JMJD1C: variants seen among roughly 807,000 people sequenced by gnomAD.
The protein encoded by JMJD1C is jumonji domain containing 1C, also known as jumonji domain-containing protein 1C.
Under a neutral mutation model 245.3 loss-of-function variants are expected in JMJD1C, and 31 were observed. The observed-to-expected ratio is 0.13, with a 90% CI of 0.09 to 0.17. JMJD1C has a LOEUF of 0.17. JMJD1C is among the 10% of genes least tolerant of loss of function. JMJD1C has a pLI of 1.00. For synonymous variants in JMJD1C, 1,057 were observed against 1,017.4 expected (o/e 1.04, Z -0.74); for missense variants, 2,691 against 3,000.2 (o/e 0.90, Z 2.41).
At chr10:63,429,105 C>T (rs780321671) in intron 1 of JMJD1C, among the ~76,000 whole-genome samples, 4 of 152,084 alleles carry the variant, frequency 2.6e-5, no homozygotes, top group Non-Finnish European at 4.4e-5. Context: ...CTCGGCCTCC[C>T]GGGTAGCTGG....
At chr10:63,305,283 G>A (rs1367602053) in intron 2 of JMJD1C, among the ~76,000 whole-genome samples, 5 of 150,184 alleles carry the variant, frequency 3.3e-5, no homozygotes, top group East Asian at 2.0e-4. Context: ...CAGGAGAATC[G>A]CTTGAACCCG....
At chr10:63,202,855 T>C in intron 10 of JMJD1C, 2 of 978,680 alleles carry the variant, frequency 2.0e-6, no homozygotes, top group Non-Finnish European at 2.4e-6. Flanking sequence ...AAATTTTTAT[T>C]TGGAACACTT....
At chr10:63,392,989 A>G (rs900385938) in intron 1 of JMJD1C, among the ~76,000 whole-genome samples, 7 of 152,068 alleles carry the variant, frequency 4.6e-5, no homozygotes, top group African/African-American at 1.7e-4. Flanking sequence ...AAATGAGTCC[A>G]GGAGCAGCGG....
At chr10:63,178,856 T>A (rs891499738) in intron 22 of JMJD1C, among the ~76,000 whole-genome samples, 1 of 152,210 alleles carries the variant, frequency 6.6e-6, no homozygotes, top group Non-Finnish European at 1.5e-5. Flanking sequence ...GGTCCTTTTT[T>A]AAAAGGACCA....
At chr10:63,304,295 C>T (rs1007184406) in intron 2 of JMJD1C, among the ~76,000 whole-genome samples, 3 of 152,078 alleles carry the variant, frequency 2.0e-5, no homozygotes, top group Admixed American at 6.6e-5. Context: ...GATATCAGAA[C>T]GCGTTGGTAA....
chr10:63,377,523 A>G (rs1047390482), intron 2 of JMJD1C, among the ~76,000 whole-genome samples: 2 of 152,144 alleles, frequency 1.3e-5, no homozygotes, highest in Non-Finnish European at 2.9e-5. Context: ...TCACAAGGTC[A>G]TGAGTTCAAG....
intron 1 of JMJD1C, chr10:63,428,013 C>T: frequency 1.5e-6 from 1 of 648,602 alleles, no homozygotes; most frequent in Non-Finnish European, 2.8e-6. Context: ...GTGCTGTCCA[C>T]TGTACTTTAT....
chr10:63,179,791 A>T (rs902619050), intron 22 of JMJD1C, among the ~76,000 whole-genome samples: 1 of 151,962 alleles, frequency 6.6e-6, no homozygotes, highest in Non-Finnish European at 1.5e-5. Context: ...AAGAAAAAAA[A>T]AAAAAAATCA....
chr10:63,289,651 G>T (rs1858407065), intron 2 of JMJD1C, among the ~76,000 whole-genome samples: 1 of 152,194 alleles, frequency 6.6e-6, no homozygotes, highest in African/African-American at 2.4e-5. Context: ...AAAGCGCCAA[G>T]AAAATTTACA....
intron 15 of JMJD1C, 60 bp from the exon 16 acceptor site, chr10:63,193,211 T>G: frequency 6.6e-7 from 1 of 1,504,390 alleles, no homozygotes; most frequent in Non-Finnish European, 9.1e-7. Flanking sequence ...ATTAGTAGTA[T>G]AGATACAAAA....
At chr10:63,172,450 CG>C (rs1842461022) in intron 24 of JMJD1C, among the ~76,000 whole-genome samples, 1 of 152,080 alleles carries the variant, frequency 6.6e-6, no homozygotes. Context: ...TTACTGAGAA[CG>C]TATTTTCTGG....
intron 2 of JMJD1C, among the ~76,000 whole-genome samples, chr10:63,301,203 T>C (rs201296542): frequency 1.3e-5 from 2 of 152,116 alleles, no homozygotes; most frequent in East Asian, 1.9e-4. Context: ...TTTGCAGAGA[T>C]GGGGTTTTGC....
At chr10:63,215,516 A>T in intron 6 of JMJD1C, 37 bp downstream of exon 6, 1 of 1,607,908 alleles carries the variant, frequency 6.2e-7, no homozygotes, top group Non-Finnish European at 8.5e-7. Flanking sequence ...CTAAGGAAAA[A>T]TATTTTACAG....
chr10:63,377,270 T>C (rs541734361), intron 2 of JMJD1C, among the ~76,000 whole-genome samples: 2 of 152,322 alleles, frequency 1.3e-5, no homozygotes, highest in East Asian at 1.9e-4. Context: ...TGCTCTTTAA[T>C]GAGTACAGTT....
At chr10:63,256,372 T>C (rs553008771) in intron 3 of JMJD1C, among the ~76,000 whole-genome samples, 1 of 152,292 alleles carries the variant, frequency 6.6e-6, no homozygotes, top group African/African-American at 2.4e-5. Flanking sequence ...TTTGAAATTA[T>C]AGCTATATAA....
chr10:63,335,932 G>C (rs12219332), intron 2 of JMJD1C, among the ~76,000 whole-genome samples: 130,503 of 151,822 alleles, frequency 0.86, 56,780 homozygotes, highest in African/African-American at 0.96. Context: ...AACAGCCTGG[G>C]CAACATGGTG....
chr10:63,464,687 A>G (rs1235377327), intron 1 of JMJD1C, among the ~76,000 whole-genome samples: 1 of 131,638 alleles, frequency 7.6e-6, no homozygotes, highest in Non-Finnish European at 1.7e-5. Flanking sequence ...GCAGCGTCAC[A>G]TGTAAGAAAC....
intron 20 of JMJD1C, among the ~76,000 whole-genome samples, chr10:63,185,209 C>T (rs1843987417): frequency 6.6e-6 from 1 of 152,368 alleles, no homozygotes; most frequent in African/African-American, 2.4e-5. Context: ...CAGCTCACTG[C>T]AGCCTCCACT....
At chr10:63,280,550 C>CA (rs888636042) in intron 2 of JMJD1C, among the ~76,000 whole-genome samples, 18 of 145,800 alleles carry the variant, frequency 1.2e-4, no homozygotes, top group East Asian at 4.0e-4. Context: ...AACTCCATTT[C>CA]AAAAAAAAAA....
Sources: allele counts gnomAD v4.1 joint callset (sites outside exome capture counted in the v4.1 genomes callset), GRCh38; gene constraint gnomAD v4.1.1; transcripts MANE v1.5; gene names NCBI Gene and HGNC (gene_info 2026-07-23, HGNC 2026-07-21).